The following TMEM132D variants were observed in gnomAD, a reference collection of about 807,000 sequenced individuals.
TMEM132D encodes mature OL transmembrane protein.
In TMEM132D, 21 loss-of-function variants were observed where a neutral mutation model predicts 62.3. The ratio of observed to expected loss-of-function variants is 0.34; its 90% CI spans 0.24 to 0.49. TMEM132D has a LOEUF of 0.49. Ranked by LOEUF, TMEM132D falls within the 20% of genes least tolerant of loss-of-function variation. The pLI is 0.99. For missense variants in TMEM132D, 1,346 were observed against 1,402.8 expected (o/e 0.96, Z 0.65); for synonymous variants, 621 against 575.6 (o/e 1.08, Z -1.13).
chr12:129,142,809 G>C (rs538165057), intron 5 of TMEM132D, among the ~76,000 whole-genome samples: 1 of 152,020 alleles, frequency 6.6e-6, no homozygotes, highest in Non-Finnish European at 1.5e-5. Context: ...AAGCAGGCAG[G>C]CCCCTTTTGG....
chr12:129,279,440 A>G (rs1251144137), intron 4 of TMEM132D, among the ~76,000 whole-genome samples: 1 of 152,202 alleles, frequency 6.6e-6, no homozygotes, highest in African/African-American at 2.4e-5. Context: ...AAAGAACTGA[A>G]ACCTGCAACA....
At chr12:129,232,926 G>A (rs931595563) in intron 4 of TMEM132D, among the ~76,000 whole-genome samples, 6 of 151,922 alleles carry the variant, frequency 3.9e-5, no homozygotes, top group Admixed American at 3.9e-4. Context: ...AACAGCACCG[G>A]GGAAATCACC....
chr12:129,492,692 C>G (rs757745857), intron 3 of TMEM132D, among the ~76,000 whole-genome samples: 1 of 152,162 alleles, frequency 6.6e-6, no homozygotes, highest in African/African-American at 2.4e-5. Flanking sequence ...CATCTGATGA[C>G]AGTACCACCT....
chr12:129,186,608 T>G (rs978823699), intron 5 of TMEM132D, among the ~76,000 whole-genome samples: 1 of 152,284 alleles, frequency 6.6e-6, no homozygotes, highest in Middle Eastern at 3.4e-3. Context: ...CTGCCTGGGT[T>G]CAAGCTTGGG....
At chr12:129,719,891 A>C (rs963634548) in intron 1 of TMEM132D, among the ~76,000 whole-genome samples, 1 of 152,172 alleles carries the variant, frequency 6.6e-6, no homozygotes, top group Admixed American at 6.5e-5. Context: ...TTGTTTGTTT[A>C]CTGACTTCTT....
At chr12:129,736,871 G>T (rs944719917) in intron 1 of TMEM132D, among the ~76,000 whole-genome samples, 27 of 147,540 alleles carry the variant, frequency 1.8e-4, no homozygotes, top group African/African-American at 6.3e-4. Context: ...GAGCTGGAGT[G>T]CAATGGTGCA....
At chr12:129,195,097 G>A (rs1878511616) in intron 5 of TMEM132D, among the ~76,000 whole-genome samples, 1 of 152,166 alleles carries the variant, frequency 6.6e-6, no homozygotes. Flanking sequence ...TAAGTTCTAT[G>A]AAAAAACATA....
intron 4 of TMEM132D, among the ~76,000 whole-genome samples, chr12:129,311,185 G>C (rs1255138372): frequency 8.2e-6 from 1 of 121,238 alleles, no homozygotes; most frequent in African/African-American, 3.4e-5. Flanking sequence ...GCGACAGAGC[G>C]AGACTCCGTC....
At chr12:129,711,454 A>G (rs7139284) in intron 1 of TMEM132D, among the ~76,000 whole-genome samples, 144,819 of 152,266 alleles carry the variant, frequency 0.95, 69,267 homozygotes, top group East Asian at 1. Context: ...GGCCAGGCAC[A>G]GTGGCTCACG....
In TMEM132D at chr12:129,692,433, T is replaced by C. The variant is rs568875725; in HGVS notation, c.968+7377A>G. Among the ~76,000 whole-genome samples the C allele has an allele frequency of 5.8e-4, 88 of 152,320 alleles. 1 individual carries two copies. In the South Asian group the frequency reaches 0.018, roughly 31 times the overall value. ...ATTTGCCTAAGTTCCTTGTAGGTGCTGCACATTAGATCTTTGTCAGATGGA... is the reference window on the plus strand; with the variant it reads ...ATTTGCCTAAGTTCCTTGTAGGTGCCGCACATTAGATCTTTGTCAGATGGA... On this transcript the variant is annotated intron_variant, in intron 2 of 8. Coordinates refer to ENST00000422113, the MANE Select transcript of TMEM132D (RefSeq NM_133448.3).
chr12:129,285,539 A>AAAAAAAAAAAATG (rs56018646), intron 4 of TMEM132D, among the ~76,000 whole-genome samples: 2 of 90,030 alleles, frequency 2.2e-5, no homozygotes, highest in East Asian at 6.9e-4. Context: ...AAAAAAAAAA[A>AAAAAAAAAAAATG]AGAGAGAGAG....
chr12:129,749,610 C>A (rs988937189), intron 1 of TMEM132D, among the ~76,000 whole-genome samples: 2 of 139,416 alleles, frequency 1.4e-5, no homozygotes, highest in Non-Finnish European at 3.1e-5. Context: ...GTATGAGCCA[C>A]CATGCCCCAC....
At chr12:129,474,965 C>G (rs1874215770) in intron 3 of TMEM132D, among the ~76,000 whole-genome samples, 1 of 152,148 alleles carries the variant, frequency 6.6e-6, no homozygotes, top group South Asian at 2.1e-4. Context: ...GAATATTTAT[C>G]CAGGACCTAC....
chr12:129,571,624 G>A (rs1347837611), intron 2 of TMEM132D, among the ~76,000 whole-genome samples: 1 of 151,970 alleles, frequency 6.6e-6, no homozygotes, highest in African/African-American at 2.4e-5. Flanking sequence ...TGAAGACGGA[G>A]GGAGAGGAGA....
intron 2 of TMEM132D, among the ~76,000 whole-genome samples, chr12:129,550,775 T>C (rs1876872453): frequency 1.3e-5 from 2 of 152,148 alleles, no homozygotes; most frequent in Non-Finnish European, 2.9e-5. Context: ...TCAGTCCACT[T>C]GGTGTTCAGC....
chr12:129,083,791 G>T (rs375908323), intron 6 of TMEM132D, among the ~76,000 whole-genome samples: 1 of 152,184 alleles, frequency 6.6e-6, no homozygotes, highest in Non-Finnish European at 1.5e-5. Flanking sequence ...TCTCTGAGAT[G>T]ACAAAGTCTG....
At chr12:129,835,130 G>A (rs1313832202) in intron 1 of TMEM132D, among the ~76,000 whole-genome samples, 5 of 152,062 alleles carry the variant, frequency 3.3e-5, no homozygotes, top group East Asian at 1.9e-4. Flanking sequence ...CATTAGGATC[G>A]GCACCCATGG....
intron 1 of TMEM132D, among the ~76,000 whole-genome samples, chr12:129,858,884 G>A (rs1356993381): frequency 1.5e-5 from 2 of 130,638 alleles, no homozygotes; most frequent in East Asian, 4.5e-4. Flanking sequence ...CGGGATGGGT[G>A]CCCTTATAAC....
intron 3 of TMEM132D, among the ~76,000 whole-genome samples, chr12:129,345,481 G>A (rs1240973241): frequency 6.6e-6 from 1 of 152,158 alleles, no homozygotes; most frequent in Admixed American, 6.5e-5. Context: ...CAAAACTGGT[G>A]TTTCTATGTA....
Sources: allele counts gnomAD v4.1 joint callset (sites outside exome capture counted in the v4.1 genomes callset), GRCh38; gene constraint gnomAD v4.1.1; transcripts MANE v1.5; gene names NCBI Gene and HGNC (gene_info 2026-07-23, HGNC 2026-07-21).